POLE4: variants seen among roughly 807,000 people sequenced by gnomAD.
POLE4 encodes DNA polymerase epsilon subunit 4.
A neutral mutation model predicts 15.6 loss-of-function variants in POLE4; 15 were observed. The ratio of observed to expected loss-of-function variants is 0.96; its 90% CI spans 0.64 to 1.48. The LOEUF is 1.48. Ranked by LOEUF, POLE4 falls within the 40% of genes most tolerant of loss-of-function variation. POLE4 has a pLI of 0.00. For missense variants in POLE4, 205 were observed against 151.9 expected, an observed-to-expected ratio of 1.35 and a Z score of -1.84; for synonymous variants, 83 against 63.2, an observed-to-expected ratio of 1.31 and a Z score of -1.49.
At chr2:74,961,960 C>T (rs1273197505) in intron 3 of POLE4, among the ~76,000 whole-genome samples, 1 of 152,134 alleles carries the variant, frequency 6.6e-6, no homozygotes, top group African/African-American at 2.4e-5. Flanking sequence ...AAAATCAAAT[C>T]GTTACCTAAT....
At chr2:74,968,728 C>T (rs1671326513) in intron 3 of POLE4, among the ~76,000 whole-genome samples, 1 of 151,386 alleles carries the variant, frequency 6.6e-6, no homozygotes, top group African/African-American at 2.4e-5. Context: ...GTCATACAGA[C>T]CCTCTGGTCA....
intron 3 of POLE4, among the ~76,000 whole-genome samples, chr2:74,964,852 A>G (rs1384797391): frequency 6.6e-6 from 1 of 151,968 alleles, no homozygotes; most frequent in Admixed American, 6.6e-5. Context: ...TTCTTGCCCT[A>G]CTGAACTGGC....
chr2:74,969,720 T>C lies in POLE4; in HGVS notation c.*298T>C. On this transcript the variant is annotated 3_prime_UTR_variant, in exon 4 of 4. Transcript: ENST00000483063. Reference sequence around the variant, plus strand: ...ATGATGAGGACCAGAATAAAGGTTTTTGATCAACCTCAGTCCAGTGTGTTT... The same window carrying C: ...ATGATGAGGACCAGAATAAAGGTTTCTGATCAACCTCAGTCCAGTGTGTTT... 5 of 442,982 alleles carry C rather than the reference T, an allele frequency of 1.1e-5. No individual in the cohort carries two copies. The South Asian group carries it at 1.6e-4, about 14-fold the overall frequency. The allele number at this position is 442,982 out of a possible 1,614,324, so 27.4% of individuals were successfully genotyped here.
chr2:74,968,461 A>T (rs1016187053), intron 3 of POLE4, among the ~76,000 whole-genome samples: 2 of 151,964 alleles, frequency 1.3e-5, no homozygotes, highest in Non-Finnish European at 2.9e-5. Flanking sequence ...GTTGCCTGGC[A>T]GCTTTGCTTT....
chr2:74,959,866 C>A, intron 2 of POLE4: 2 of 507,934 alleles, frequency 3.9e-6, no homozygotes, highest in South Asian at 3.4e-5. Flanking sequence ...TTTAGGAGGC[C>A]CCCAACCCCC....
chr2:74,960,742 T>C (rs3771800), intron 3 of POLE4: 157,601 of 379,104 alleles, frequency 0.42, 33,818 homozygotes, highest in Middle Eastern at 0.6. Context: ...TATGTAGTCA[T>C]GTGCTGCGTA....
At chr2:74,962,737 T>C (rs1354821673) in intron 3 of POLE4, among the ~76,000 whole-genome samples, 1 of 152,234 alleles carries the variant, frequency 6.6e-6, no homozygotes, top group Non-Finnish European at 1.5e-5. Context: ...GTCCCACGTA[T>C]ATTCATTCTT....
intron 1 of POLE4, 78 bp from the exon 2 acceptor site, chr2:74,959,263 C>A: frequency 3.4e-6 from 3 of 871,492 alleles, no homozygotes; most frequent in Non-Finnish European, 5.6e-6. Flanking sequence ...CCCTTTCTGC[C>A]CCCACCCACA....
chr2:74,958,841 C>A lies in POLE4; in HGVS notation c.162C>A (p.Pro54=), dbSNP rs754599368. The part of the protein sequence containing the change: ...ARVKALVKAD[P]DVTLAGQEAI... ...TGAAGGCCTTGGTGAAGGCAGATCC[C>A]GACGTGACGCTAGCGGGACAGGAAG... The change falls in exon 1 of 4, where the codon CCC becomes CCA. Residue 54 remains proline (P), a synonymous_variant. Transcript: ENST00000483063. The A allele has an allele frequency of 1.9e-6, 3 of 1,560,702 alleles. No homozygotes were observed. The highest frequency in any genetic ancestry group is 2.7e-5 in the African/African-American group (2 of 73,442).
chr2:74,959,739 C>G, intron 2 of POLE4: 3 of 429,106 alleles, frequency 7.0e-6, no homozygotes, highest in Non-Finnish European at 1.2e-5. Flanking sequence ...TCTTGTCTGG[C>G]TGGGAACCCT....
At chr2:74,966,980 A>G (rs1288273760) in intron 3 of POLE4, among the ~76,000 whole-genome samples, 8 of 151,568 alleles carry the variant, frequency 5.3e-5, no homozygotes, top group African/African-American at 1.9e-4. Context: ...TTTTGAAGCT[A>G]GTTTATCCTT....
At chr2:74,965,828 G>C (rs1671286385) in intron 3 of POLE4, among the ~76,000 whole-genome samples, 2 of 152,080 alleles carry the variant, frequency 1.3e-5, no homozygotes, top group South Asian at 4.1e-4. Context: ...TCTTTAGTTA[G>C]TATTTATTTG....
intron 3 of POLE4, among the ~76,000 whole-genome samples, chr2:74,964,578 G>T (rs1671270495): frequency 6.6e-6 from 1 of 151,498 alleles, no homozygotes; most frequent in African/African-American, 2.4e-5. Flanking sequence ...TATTGTTAAT[G>T]GTATCTTTCT....
rs1671349020 is a variant in POLE4 at position 74,969,988 on chromosome 2, T to G, written c.*566T>G. ...TTAAATTTTTTTTAAGTTTTATTTA[T>G]TGACATATCCACATACTCTATATTT... On this transcript the variant is annotated 3_prime_UTR_variant, in exon 4 of 4. Transcript: ENST00000483063. The G allele has an allele frequency of 1.3e-5, 2 of 153,410 alleles. No individual in the cohort carries two copies. Among genetic ancestry groups the G allele is most frequent in the Admixed American group, 6.5e-5 (1 of 15,482 alleles). 9.5% of individuals were successfully genotyped at this position (153,410 alleles called of 1,614,324 possible).
chr2:74,967,168 C>T (rs56166284), intron 3 of POLE4, among the ~76,000 whole-genome samples: 11,935 of 152,082 alleles, frequency 0.078, 1,147 homozygotes, highest in African/African-American at 0.23. Flanking sequence ...TTGGCTCTGC[C>T]TTGTTCTTTC....
At chr2:74,960,547 A>T (rs1198349948) in intron 3 of POLE4, 3 of 496,516 alleles carry the variant, frequency 6.0e-6, no homozygotes, top group East Asian at 5.5e-5. Context: ...GTGTGAAGTG[A>T]TTATTTTGCT....
At chr2:74,961,232 C>G (rs552197861) in intron 3 of POLE4, 1 of 152,370 alleles carries the variant, frequency 6.6e-6, no homozygotes, top group South Asian at 2.1e-4. Context: ...ATTTATTCCA[C>G]TCTTTTTTAC....
At chr2:74,961,705 G>A (rs1348055240) in intron 3 of POLE4, among the ~76,000 whole-genome samples, 1 of 152,074 alleles carries the variant, frequency 6.6e-6, no homozygotes. Context: ...TTAATAAATG[G>A]CCATTTATTG....
At chr2:74,963,179 C>G (rs1006162851) in intron 3 of POLE4, among the ~76,000 whole-genome samples, 1 of 152,166 alleles carries the variant, frequency 6.6e-6, no homozygotes, top group African/African-American at 2.4e-5. Context: ...ATAGAGTATT[C>G]GTATCTCCAT....
Sources: allele counts gnomAD v4.1 joint callset (sites outside exome capture counted in the v4.1 genomes callset), GRCh38; gene constraint gnomAD v4.1.1; transcripts MANE v1.5; gene names NCBI Gene and HGNC (gene_info 2026-07-23, HGNC 2026-07-21).